Variants in HADHB observed in about 807,000 individuals in gnomAD.
HADHB encodes the protein trifunctional enzyme subunit beta, mitochondrial.
HADHB carries 50 observed loss-of-function variants against 61.9 expected under a neutral mutation model. That is an observed-to-expected ratio of 0.81 (90% CI 0.64 to 1.02). The LOEUF (loss-of-function observed/expected upper bound fraction) is 1.02. Ranked by LOEUF, HADHB falls within the 50% of genes least tolerant of loss-of-function variation. The probability of loss-of-function intolerance (pLI) is 0.00; values close to 1 mark genes in which losing one functional copy is unlikely to be tolerated. For synonymous variants in HADHB, 191 were observed against 201.6 expected, an observed-to-expected ratio of 0.95 and a Z score of 0.45; for missense variants, 504 against 586.5, an observed-to-expected ratio of 0.86 and a Z score of 1.45.
At chr2:26,274,269 G>A (rs1672456944) in intron 6 of HADHB, among the ~76,000 whole-genome samples, 1 of 152,214 alleles carries the variant, frequency 6.6e-6, no homozygotes, top group African/African-American at 2.4e-5. Flanking sequence ...TCCATGTAGT[G>A]TCGATTGGGC....
chr2:26,288,370 A>G (rs1176597189), intron 15 of HADHB, among the ~76,000 whole-genome samples: 3 of 152,152 alleles, frequency 2.0e-5, no homozygotes, highest in Admixed American at 6.6e-5. Flanking sequence ...AAGTCAGTCA[A>G]ACCTTCCTAT....
chr2:26,282,771 G>A, intron 10 of HADHB, 74 bp from the exon 11 acceptor site: 1 of 959,158 alleles, frequency 1.0e-6, no homozygotes, highest in Non-Finnish European at 1.7e-6. Context: ...TTCAGGTACA[G>A]ATATATAAGA....
At chr2:26,257,157 G>T (rs949045836) in intron 3 of HADHB, among the ~76,000 whole-genome samples, 1 of 137,628 alleles carries the variant, frequency 7.3e-6, no homozygotes, top group Non-Finnish European at 1.5e-5. Context: ...GTCTCGTGCT[G>T]TCGCCCAGGC....
chr2:26,268,046 G>T (rs1343652380), intron 4 of HADHB, among the ~76,000 whole-genome samples: 2 of 152,150 alleles, frequency 1.3e-5, no homozygotes. Context: ...GGAGGCCGAA[G>T]TGGGAAGATT....
At position 26,250,033 on chromosome 2, in the gene HADHB, G is replaced by A. The variant is rs148778955; in HGVS notation, c.-8-4214G>A. 2.7e-3 allele frequency among the ~76,000 whole-genome samples: 417 copies of A among 152,242 alleles called. 1 individual carries two copies. Among genetic ancestry groups the A allele is most frequent in the African/African-American group, 9.7e-3 (403 of 41,546 alleles). On this transcript the variant is annotated intron_variant, in intron 1 of 15. Transcript: ENST00000317799. The stretch of plus-strand genomic sequence containing the variant: ...TTTTCTTTCTTTTTTTGGAGATGGA[G>A]TCTCGCTCTGTCGCCCAGGCTGGAG...
chr2:26,284,136 A>G lies in HADHB; in HGVS notation c.1081A>G (p.Lys361Glu), dbSNP rs887604101. 1 of 1,593,600 alleles carries G rather than the reference A, an allele frequency of 6.3e-7. No individual in the cohort carries two copies. Among genetic ancestry groups the G allele is most frequent in the Non-Finnish European group, 8.6e-7 (1 of 1,161,378 alleles). The change falls in exon 13 of 16, where the codon AAA becomes GAA. Residue 361 changes from lysine (K) to glutamate (E), a missense_variant. Transcript: ENST00000317799. ...TTGCAGACCAACATATGCTACTCCAAAAGTTCTAGAAAAGGCAGGATTGAC... is the reference window on the plus strand; with the variant it reads ...TTGCAGACCAACATATGCTACTCCAGAAGTTCTAGAAAAGGCAGGATTGAC... ...LLLGPTYATP[K>E]VLEKAGLTMN...
In HADHB at chr2:26,290,187, T is replaced by C; in HGVS notation, c.*234T>C. 1 of 564,808 alleles carries C rather than the reference T, an allele frequency of 1.8e-6. No homozygotes were observed. Among genetic ancestry groups the C allele is most frequent in the Admixed American group, 3.0e-5 (1 of 33,342 alleles). The allele number at this position is 564,808 out of a possible 1,614,324, so 35.0% of individuals were successfully genotyped here. On this transcript the variant is annotated 3_prime_UTR_variant, in exon 16 of 16. Transcript: ENST00000317799. ...CCACCAGAATCTCACATGAGATGTG[T>C]GGGTGGTTGTTTTTGGTCTCTGTTG... is the stretch of plus-strand genomic sequence containing the variant.
intron 3 of HADHB, among the ~76,000 whole-genome samples, chr2:26,257,093 G>A (rs1574644701): frequency 6.6e-6 from 1 of 151,502 alleles, no homozygotes; most frequent in African/African-American, 2.4e-5. Flanking sequence ...GCGTCACTGG[G>A]AAGGCTAAGA....
At position 26,285,402 on chromosome 2, in the gene HADHB, G is replaced by A. The variant is rs1308295120; in HGVS notation, c.1225-5G>A. ...TCTTTACATTTGTGTCTTTGGGGGA[G>A]CCAGGTTGGATTGCCTCCTTTGGAG... On this transcript the variant is annotated splice_polypyrimidine_tract_variant and splice_region_variant and intron_variant, in intron 14 of 15. Coordinates refer to ENST00000317799, the MANE Select transcript of HADHB (RefSeq NM_000183.3). The A allele has an allele frequency of 6.2e-7, 1 of 1,612,842 alleles. No individual in the cohort carries two copies. Among genetic ancestry groups the A allele is most frequent in the East Asian group, 2.2e-5 (1 of 44,880 alleles).
intron 1 of HADHB, among the ~76,000 whole-genome samples, chr2:26,253,337 C>T (rs1250913584): frequency 6.6e-6 from 1 of 152,126 alleles, no homozygotes; most frequent in Non-Finnish European, 1.5e-5. Context: ...TTTTTAGTAG[C>T]AGTTGAGATT....
At chr2:26,266,625 A>G (rs1216531912) in intron 4 of HADHB, among the ~76,000 whole-genome samples, 1 of 151,776 alleles carries the variant, frequency 6.6e-6, no homozygotes, top group Non-Finnish European at 1.5e-5. Flanking sequence ...CACGTCTGTA[A>G]TCCCAGCACT....
At position 26,254,318 on chromosome 2, in the gene HADHB, T is replaced by C. The variant is rs764430901; in HGVS notation, c.64T>C (p.Ser22Pro). ...TGCATCAAAATGGGCCCTCAGATTT[T>C]GTAAGTTTATTATTATTTTTTTATT... ...PTASKWALRF[S>P]IRPLSCSSQL... The change falls in exon 2 of 16, where the codon TCC becomes CCC. Residue 22 changes from serine to proline, a missense_variant and splice_region_variant. Transcript: ENST00000317799. 1 of 1,547,448 alleles carries C rather than the reference T, an allele frequency of 6.5e-7. No homozygotes were observed. Among genetic ancestry groups the C allele is most frequent in the Admixed American group, 1.7e-5 (1 of 59,942 alleles).
intron 10 of HADHB, among the ~76,000 whole-genome samples, chr2:26,280,840 G>A (rs1257633421): frequency 5.8e-5 from 6 of 103,452 alleles, no homozygotes; most frequent in Admixed American, 1.5e-4. Context: ...GCACAAGAGC[G>A]AAACTCCCAT....
chr2:26,271,056 CT>C (rs540696704), intron 5 of HADHB, among the ~76,000 whole-genome samples: 142 of 140,146 alleles, frequency 1.0e-3, no homozygotes, highest in African/African-American at 1.3e-3. Context: ...TTTTTTTTTT[CT>C]TTTTTTTTTT....
In HADHB at chr2:26,284,150, G is replaced by A; in HGVS notation, c.1095G>A (p.Lys365=). The change falls in exon 13 of 16, where the codon AAG becomes AAA. Residue 365 remains lysine (K), a synonymous_variant. Transcript: ENST00000317799. ...PTYATPKVLE[K]AGLTMNDIDA... ...ATGCTACTCCAAAAGTTCTAGAAAAGGCAGGATTGACCATGAATGATATTG... is the reference window on the plus strand; with the variant it reads ...ATGCTACTCCAAAAGTTCTAGAAAAAGCAGGATTGACCATGAATGATATTG... 1 of 1,602,442 alleles carries A rather than the reference G, an allele frequency of 6.2e-7. No homozygotes were observed. Among genetic ancestry groups the A allele is most frequent in the Admixed American group, 1.7e-5 (1 of 60,000 alleles).
chr2:26,262,442 T>C (rs945020801), intron 3 of HADHB, among the ~76,000 whole-genome samples: 7 of 152,202 alleles, frequency 4.6e-5, no homozygotes, highest in East Asian at 1.9e-4. Context: ...AAACAGACTT[T>C]ACCTCTTAGA....
intron 6 of HADHB, among the ~76,000 whole-genome samples, 167 bp downstream of exon 6, chr2:26,273,917 TC>T (rs1672445950): frequency 6.6e-6 from 1 of 152,206 alleles, no homozygotes; most frequent in Non-Finnish European, 1.5e-5. Context: ...GTAAAAGAAT[TC>T]TAATATAAAT....
At chr2:26,258,731 C>T (rs1200391275) in intron 3 of HADHB, among the ~76,000 whole-genome samples, 1 of 152,200 alleles carries the variant, frequency 6.6e-6, no homozygotes, top group African/African-American at 2.4e-5. Context: ...GGTAGGGGAT[C>T]CAAAGGGGGT....
chr2:26,290,063 C>T lies in HADHB; in HGVS notation c.*110C>T. 1.2e-6 allele frequency: 1 copy of T among 823,180 alleles called. No homozygotes were observed. The highest frequency in any genetic ancestry group is 2.2e-6 in the Non-Finnish European group (1 of 464,900). 51.0% of individuals were successfully genotyped at this position (823,180 alleles called of 1,614,324 possible). ...TAGTTCCTAGCTCCTCTTAGGAAAA[C>T]AGTTCTTGTGGCCTTCTATTAAATA... On this transcript the variant is annotated 3_prime_UTR_variant, in exon 16 of 16. Coordinates refer to ENST00000317799, the MANE Select transcript of HADHB (RefSeq NM_000183.3).
Sources: allele counts gnomAD v4.1 joint callset (sites outside exome capture counted in the v4.1 genomes callset), GRCh38; gene constraint gnomAD v4.1.1; transcripts MANE v1.5; gene names NCBI Gene and HGNC (gene_info 2026-07-23, HGNC 2026-07-21).